The following BMAL1 variants were observed in gnomAD, a reference collection of about 807,000 sequenced individuals.
BMAL1 encodes the protein basic helix-loop-helix ARNT-like protein 1.
At chr11:13,300,314 A>C in the BMAL1 span, among the ~76,000 whole-genome samples, 2 of 152,258 alleles carry the variant, frequency 1.3e-5, no homozygotes, top group African/African-American at 4.8e-5. Context: ...TCATTTCATT[A>C]GTTGGCATTT....
At chr11:13,376,897 G>A in the BMAL1 span, 1 of 609,840 alleles carries the variant, frequency 1.6e-6, no homozygotes, top group South Asian at 2.1e-5. Context: ...ACACTGTCAT[G>A]TCACTTTCTC....
chr11:13,286,932 A>C, the BMAL1 span, among the ~76,000 whole-genome samples: 3 of 152,324 alleles, frequency 2.0e-5, no homozygotes, highest in East Asian at 3.9e-4. Flanking sequence ...GATCAAAAAC[A>C]ACTTTAAATG....
chr11:13,291,240 G>A, the BMAL1 span, among the ~76,000 whole-genome samples: 1 of 152,154 alleles, frequency 6.6e-6, no homozygotes. Flanking sequence ...TAATTGACAA[G>A]TAGTTTTTAC....
chr11:13,291,670 T>C, the BMAL1 span, among the ~76,000 whole-genome samples: 3 of 152,262 alleles, frequency 2.0e-5, no homozygotes, highest in Non-Finnish European at 4.4e-5. Context: ...ATTGAAGTTC[T>C]TAAATATTCT....
At chr11:13,354,459 T>G in the BMAL1 span, 1 of 1,612,574 alleles carries the variant, frequency 6.2e-7, no homozygotes, top group East Asian at 2.2e-5. Flanking sequence ...GTAAGGCCTT[T>G]GGGGCATGTC....
chr11:13,378,206 A>G, the BMAL1 span: 9 of 1,264,938 alleles, frequency 7.1e-6, no homozygotes, highest in African/African-American at 1.6e-5. Context: ...CTGTAGCCCT[A>G]AAGTCCCTCA....
the BMAL1 span, among the ~76,000 whole-genome samples, chr11:13,371,894 C>T: frequency 2.0e-5 from 3 of 152,138 alleles, no homozygotes; most frequent in East Asian, 1.9e-4. Flanking sequence ...GGGAGCCTTC[C>T]TCTCCCTAGG....
chr11:13,318,281 G>A, the BMAL1 span, among the ~76,000 whole-genome samples: 2 of 152,134 alleles, frequency 1.3e-5, no homozygotes, highest in African/African-American at 4.8e-5. Context: ...TTGCTAAGTT[G>A]TCATTCTTAT....
At chr11:13,305,156 A>T in the BMAL1 span, among the ~76,000 whole-genome samples, 1 of 152,152 alleles carries the variant, frequency 6.6e-6, no homozygotes, top group Non-Finnish European at 1.5e-5. Context: ...TGGGGAAGAA[A>T]GTTCATCTTA....
At chr11:13,313,621 T>C in the BMAL1 span, among the ~76,000 whole-genome samples, 2 of 152,182 alleles carry the variant, frequency 1.3e-5, no homozygotes, top group African/African-American at 4.8e-5. Context: ...TCAGTTCTTC[T>C]CTGTCTCTCC....
the BMAL1 span, among the ~76,000 whole-genome samples, chr11:13,300,691 A>G: frequency 1.3e-5 from 2 of 152,236 alleles, no homozygotes; most frequent in African/African-American, 4.8e-5. Context: ...GAAAAAGTAA[A>G]TAAGATTTCC....
chr11:13,341,300 C>T, the BMAL1 span, among the ~76,000 whole-genome samples: 1 of 152,344 alleles, frequency 6.6e-6, no homozygotes, highest in South Asian at 2.1e-4. Flanking sequence ...GGGGTCCCAC[C>T]ACCCCACTTT....
chr11:13,364,688 A>G, the BMAL1 span, among the ~76,000 whole-genome samples: 1 of 152,326 alleles, frequency 6.6e-6, no homozygotes, highest in East Asian at 1.9e-4. Context: ...CTCAGGCACT[A>G]TAGCTTGGGT....
At chr11:13,357,433 T>C in the BMAL1 span, among the ~76,000 whole-genome samples, 1 of 152,244 alleles carries the variant, frequency 6.6e-6, no homozygotes, top group African/African-American at 2.4e-5. The surrounding 1 kb of genome is among the most constrained non-coding windows in gnomAD (Gnocchi z 4.8). Flanking sequence ...GCTCAGTGAT[T>C]TGGTTCCTGG....
the BMAL1 span, among the ~76,000 whole-genome samples, chr11:13,318,285 T>C: frequency 6.6e-6 from 1 of 152,230 alleles, no homozygotes; most frequent in South Asian, 2.1e-4. Context: ...TAAGTTGTCA[T>C]TCTTATGATA....
At chr11:13,385,236 A>G in the BMAL1 span, among the ~76,000 whole-genome samples, 805 of 152,332 alleles carry the variant, frequency 5.3e-3, 22 homozygotes, top group Admixed American at 0.045. Flanking sequence ...CTGTAGTATA[A>G]GAGATTTACT....
At chr11:13,322,909 G>C in the BMAL1 span, among the ~76,000 whole-genome samples, 1 of 146,402 alleles carries the variant, frequency 6.8e-6, no homozygotes, top group East Asian at 2.0e-4. Context: ...TCCTGCTTCA[G>C]CCTCCCAAGT....
the BMAL1 span, chr11:13,376,417 G>C: frequency 5.2e-6 from 3 of 579,450 alleles, no homozygotes; most frequent in East Asian, 9.1e-5. Flanking sequence ...GCTGAACTGT[G>C]TCCCACACAT....
chr11:13,375,289 A>T, the BMAL1 span, among the ~76,000 whole-genome samples: 4 of 152,326 alleles, frequency 2.6e-5, no homozygotes, highest in South Asian at 8.3e-4. Context: ...AAAGCATGAC[A>T]TTTTGGACAG....
Sources: allele counts gnomAD v4.1 joint callset (sites outside exome capture counted in the v4.1 genomes callset), GRCh38; gene constraint gnomAD v4.1.1; non-coding constraint Gnocchi (gnomAD v3.1); transcripts MANE v1.5; gene names NCBI Gene and HGNC (gene_info 2026-07-23, HGNC 2026-07-21).